Variants in ITSN1 observed in about 807,000 individuals in gnomAD.
ITSN1 encodes intersectin-1.
In ITSN1, 58 loss-of-function variants were observed where a neutral mutation model predicts 239.8. The ratio of observed to expected loss-of-function variants is 0.24; its 90% CI spans 0.20 to 0.30. ITSN1 has a LOEUF of 0.30. Among genes scored for constraint, ITSN1 ranks in the 10% least tolerant of loss-of-function variants. ITSN1 has a pLI of 1.00. For synonymous variants in ITSN1, 780 were observed against 770.8 expected, an observed-to-expected ratio of 1.01 and a Z score of -0.20; for missense variants, 1,558 against 2,103.3, an observed-to-expected ratio of 0.74 and a Z score of 5.07.
At chr21:33,883,404 AACAC>A in intron 35 of ITSN1, 142 bp from the exon 36 acceptor site, 1 of 1,077,384 alleles carries the variant, frequency 9.3e-7, no homozygotes, top group Non-Finnish European at 1.3e-6. Context: ...AGGTTACTGA[AACAC>A]ACGCACGAGT....
In ITSN1 at chr21:33,895,798, T is replaced by TA. The variant is rs1242999513; in HGVS notation, c.*7499dup. 1.3e-5 allele frequency: 2 copies of TA among 152,352 alleles called. No homozygotes were observed. Among genetic ancestry groups the TA allele is most frequent in the South Asian group, 2.1e-4 (1 of 4,836 alleles). The allele number at this position is 152,352 out of a possible 1,614,324, so 9.4% of individuals were successfully genotyped here. A position where few individuals can be genotyped will look rare whatever the true frequency, so the allele number is the denominator to read the frequency against. Reference sequence around the variant, plus strand: ...GTGCCTTGGAGAGGGAAACAGGAAATACGTTGCTCCACAGTCCTGTCATCC... The same window carrying TA: ...GTGCCTTGGAGAGGGAAACAGGAAATAACGTTGCTCCACAGTCCTGTCATCC... On this transcript the variant is annotated 3_prime_UTR_variant, in exon 40 of 40. Transcript: ENST00000381318.
At chr21:33,794,000 A>G (rs79405113) in intron 16 of ITSN1, among the ~76,000 whole-genome samples, 5,301 of 152,294 alleles carry the variant, frequency 0.035, 140 homozygotes, top group Non-Finnish European at 0.056. Context: ...TTTATTCATG[A>G]TCATCGTCAT....
At chr21:33,829,821 A>G (rs2074187980) in intron 27 of ITSN1, 76 bp downstream of exon 27, 1 of 1,558,392 alleles carries the variant, frequency 6.4e-7, no homozygotes. Context: ...ACGCTATTTT[A>G]TTGTAAAGTA....
intron 27 of ITSN1, among the ~76,000 whole-genome samples, chr21:33,832,118 G>A (rs538496514): frequency 2.1e-4 from 32 of 152,260 alleles, no homozygotes; most frequent in South Asian, 2.1e-4. Context: ...GAGCAATGGC[G>A]TCTCCACTCC....
rs2070242384 is a variant in ITSN1, at chr21:33,782,132, A to G, written c.1823A>G (p.Lys608Arg). The change falls in exon 16 of 40, where the codon AAG (lysine) becomes AGG (arginine). Residue 608 changes from lysine (K) to arginine (R), a missense_variant and splice_region_variant. By Grantham distance (26) the Lys-to-Arg change is conservative. Coordinates refer to ENST00000381318, the MANE Select transcript of ITSN1 (RefSeq NM_003024.3). ...ATTGATATTTTCAATAATCAGCTGA[A>G]GGTAACTCTTCTATGTGTGCCTGCA... ...QEIDIFNNQL[K>R]ELREIHNKQQ... 1 of 1,613,536 alleles carries G rather than the reference A, an allele frequency of 6.2e-7. No homozygotes were observed. The highest frequency in any genetic ancestry group is 8.5e-7 in the Non-Finnish European group (1 of 1,179,748).
At chr21:33,868,750 C>G (rs1460319085) in intron 33 of ITSN1, among the ~76,000 whole-genome samples, 3 of 152,190 alleles carry the variant, frequency 2.0e-5, no homozygotes, top group Non-Finnish European at 4.4e-5. Context: ...TTGGCCAGCC[C>G]AGAAGGGGGC....
intron 6 of ITSN1, 112 bp downstream of exon 6, chr21:33,750,434 C>T (rs530182875): frequency 2.0e-6 from 2 of 980,086 alleles, no homozygotes; most frequent in Non-Finnish European, 1.5e-6. Context: ...TATTTTAGTC[C>T]AGAGGAAAAT....
chr21:33,665,523 C>T (rs944782084), intron 1 of ITSN1, among the ~76,000 whole-genome samples: 10 of 152,058 alleles, frequency 6.6e-5, no homozygotes, highest in African/African-American at 2.4e-4. Flanking sequence ...CTGGAATCCT[C>T]ATATATTGCT....
chr21:33,865,447 A>C lies in ITSN1; in HGVS notation c.4074+113A>C, dbSNP rs74321927. ...AAGAGTGTTCCCACTAGAGGCCAAC[A>C]GGGCCTAGGGTCTTGGCTAAGCCTT... On this transcript the variant is annotated intron_variant, in intron 32 of 39. Coordinates refer to ENST00000381318, the MANE Select transcript of ITSN1 (RefSeq NM_003024.3). The surrounding 1 kb of genome is among the most constrained non-coding windows in gnomAD (Gnocchi z 4.4). The C allele has an allele frequency of 1.3e-3, 1,089 of 843,856 alleles. 5 individuals are homozygous for C. The highest frequency in any genetic ancestry group is 0.013 in the African/African-American group (743 of 57,808). 52.3% of individuals were successfully genotyped at this position (843,856 alleles called of 1,614,324 possible).
chr21:33,756,015 T>C (rs1420848763), intron 8 of ITSN1, among the ~76,000 whole-genome samples: 1 of 152,166 alleles, frequency 6.6e-6, no homozygotes, highest in Non-Finnish European at 1.5e-5. Flanking sequence ...TAGAAAGTTA[T>C]AAAGAAGGCT....
intron 19 of ITSN1, among the ~76,000 whole-genome samples, chr21:33,802,115 T>C (rs373796258): frequency 3.9e-5 from 6 of 152,226 alleles, no homozygotes; most frequent in African/African-American, 1.4e-4. Flanking sequence ...CCTAATATTT[T>C]TGAAACTGGA....
chr21:33,721,350 A>T (rs574857223), intron 3 of ITSN1, 80 bp downstream of exon 3: 27 of 874,920 alleles, frequency 3.1e-5, no homozygotes, highest in African/African-American at 2.0e-4. Context: ...CAAAGACGAG[A>T]TGGGCAAATA....
At chr21:33,704,714 T>C (rs1245155797) in intron 1 of ITSN1, among the ~76,000 whole-genome samples, 1 of 151,868 alleles carries the variant, frequency 6.6e-6, no homozygotes, top group African/African-American at 2.4e-5. Context: ...TGGCATAATG[T>C]TATTGTAGAC....
rs775020541 is a variant in ITSN1 at position 33,774,985 on chromosome 21, A to G, written c.1473A>G (p.Gln491=). ...ELEALNDKKH[Q]LEGKLQDIRC... Reference sequence around the variant, plus strand: ...TGTTCAAGAATGATAAAAAGCATCAACTAGAAGGGAAACTTCAAGATATCA... The same window carrying G: ...TGTTCAAGAATGATAAAAAGCATCAGCTAGAAGGGAAACTTCAAGATATCA... Residue 491 remains glutamine, a synonymous_variant, in exon 14 of 40, where the codon CAA becomes CAG. Coordinates refer to ENST00000381318, the MANE Select transcript of ITSN1 (RefSeq NM_003024.3). 10 of 1,612,648 alleles carry G rather than the reference A, an allele frequency of 6.2e-6. No individual in the cohort carries two copies. Among genetic ancestry groups the G allele is most frequent in the Non-Finnish European group, 7.6e-6 (9 of 1,179,358 alleles).
At chr21:33,673,819 G>A (rs1002251537) in intron 1 of ITSN1, among the ~76,000 whole-genome samples, 3 of 152,274 alleles carry the variant, frequency 2.0e-5, no homozygotes, top group Non-Finnish European at 4.4e-5. Flanking sequence ...ATTGGTGTTG[G>A]ACTGTGTTTA....
chr21:33,796,041 G>A (rs562576763), intron 17 of ITSN1, among the ~76,000 whole-genome samples: 160 of 150,570 alleles, frequency 1.1e-3, no homozygotes, highest in Admixed American at 2.7e-3. Context: ...TCGGCTCACT[G>A]CAACCTCCGC....
chr21:33,875,532 T>G lies in ITSN1; in HGVS notation c.4341+11T>G. The G allele has an allele frequency of 3.1e-6, 5 of 1,611,502 alleles. No individual in the cohort carries two copies. The highest frequency in any genetic ancestry group is 4.2e-6 in the Non-Finnish European group (5 of 1,178,086). ...GAAGGCCTGTCTGAGGTAGCCAACC[T>G]TGGGGCTGGGCCCTGGTCTCCCCCG... On this transcript the variant is annotated intron_variant, in intron 34 of 39. Transcript: ENST00000381318.
chr21:33,807,341 G>T (rs1202165869), intron 20 of ITSN1, among the ~76,000 whole-genome samples: 1 of 152,088 alleles, frequency 6.6e-6, no homozygotes, highest in Non-Finnish European at 1.5e-5. Flanking sequence ...AGGGCTTCAG[G>T]TCGCATTCCA....
intron 14 of ITSN1, among the ~76,000 whole-genome samples, chr21:33,776,639 A>G (rs1313251546): frequency 6.6e-6 from 1 of 152,032 alleles, no homozygotes; most frequent in Admixed American, 6.5e-5. Flanking sequence ...CTGATCATTT[A>G]ATTTGTATTT....
Sources: gnomAD v4.1 joint callset for allele counts (sites outside exome capture counted in the v4.1 genomes callset) on GRCh38, gnomAD v4.1.1 for gene constraint, Gnocchi (gnomAD v3.1) non-coding constraint, MANE v1.5 for transcripts, NCBI Gene and HGNC (gene_info 2026-07-23, HGNC 2026-07-21) for gene names.